The following DHRS4 variants were observed in gnomAD, a reference collection of about 807,000 sequenced individuals.
DHRS4 encodes dehydrogenase/reductase SDR family member 4.
DHRS4 carries 20 observed loss-of-function variants against 28.4 expected under a neutral mutation model. That is an observed-to-expected ratio of 0.71 (90% confidence interval 0.50 to 1.02). DHRS4 has a LOEUF of 1.02. Among genes scored for constraint, DHRS4 ranks in the 50% least tolerant of loss-of-function variants. The pLI, the probability that DHRS4 is intolerant of heterozygous loss-of-function variation, is 0.00. For synonymous variants in DHRS4, 144 were observed against 146.4 expected, an observed-to-expected ratio of 0.98 and a Z score of 0.12; for missense variants, 378 against 367.2, an observed-to-expected ratio of 1.03 and a Z score of -0.24.
chr14:23,954,107 C>A lies in DHRS4; in HGVS notation c.128+191C>A, dbSNP rs1248353868. ...CTAGCCCTGGACCCTCCCTTGCCAGCCCTCCTGTCCCTGCTACCTCTGGCA... is the reference window on the plus strand; with the variant it reads ...CTAGCCCTGGACCCTCCCTTGCCAGACCTCCTGTCCCTGCTACCTCTGGCA... On this transcript the variant is annotated intron_variant, in intron 1 of 7. Coordinates refer to ENST00000313250, the MANE Select transcript of DHRS4 (RefSeq NM_021004.4). The A allele has an allele frequency of 3.2e-5, 26 of 821,836 alleles. No homozygotes were observed. The East Asian group carries it at 6.0e-4, about 19-fold the overall frequency. 50.9% of individuals were successfully genotyped at this position (821,836 alleles called of 1,614,324 possible).
chr14:23,959,508 A>G (rs182667565), intron 2 of DHRS4, among the ~76,000 whole-genome samples: 26 of 152,286 alleles, frequency 1.7e-4, no homozygotes, highest in Middle Eastern at 6.8e-3. Flanking sequence ...CAGTGAGCTG[A>G]GAACATGCCA....
chr14:23,954,888 G>A, intron 1 of DHRS4, 147 bp from the exon 2 acceptor site: 2 of 1,370,256 alleles, frequency 1.5e-6, no homozygotes, highest in South Asian at 1.5e-5. Flanking sequence ...ATGCCATTAA[G>A]CCTGTTTTAC....
intron 3 of DHRS4, among the ~76,000 whole-genome samples, chr14:23,962,669 G>A (rs28800275): frequency 0.37 from 55,800 of 148,804 alleles, 10,003 homozygotes; most frequent in East Asian, 0.55. Context: ...CATCCATGAG[G>A]GTTGGAATCA....
intron 3 of DHRS4, among the ~76,000 whole-genome samples, chr14:23,960,496 A>T (rs538849372): frequency 6.6e-6 from 1 of 152,062 alleles, no homozygotes; most frequent in Non-Finnish European, 1.5e-5. Context: ...TTAAAAAAAT[A>T]AAATAAAAAC....
At chr14:23,954,037 G>GA (rs1179835558) in intron 1 of DHRS4, 121 bp downstream of exon 1, 7 of 1,453,576 alleles carry the variant, frequency 4.8e-6, no homozygotes, top group East Asian at 5.0e-5. Flanking sequence ...TCTGGCCCTG[G>GA]AAAAAAGGTA....
intron 1 of DHRS4, 56 bp from the exon 2 acceptor site, chr14:23,954,979 T>C (rs1358308641): frequency 6.2e-7 from 1 of 1,606,536 alleles, no homozygotes; most frequent in Non-Finnish European, 8.5e-7. Flanking sequence ...GAGCTCATAC[T>C]GTCGACCTCT....
chr14:23,962,500 T>A (rs2033453491), intron 3 of DHRS4, among the ~76,000 whole-genome samples: 1 of 151,752 alleles, frequency 6.6e-6, no homozygotes, highest in African/African-American at 2.4e-5. Context: ...AGAAACCACT[T>A]TCTTTGCTTA....
At chr14:23,966,808 A>G (rs1201750693) in intron 6 of DHRS4, among the ~76,000 whole-genome samples, 6 of 152,394 alleles carry the variant, frequency 3.9e-5, no homozygotes, top group Admixed American at 3.3e-4. Context: ...CCTCTCAGTT[A>G]CCATGAGGAT....
At position 23,966,634 on chromosome 14, in the gene DHRS4, G is replaced by A. The variant is rs866094363; in HGVS notation, c.666+217G>A. 2.0e-5 allele frequency among the ~76,000 whole-genome samples: 3 copies of A among 152,038 alleles called. No individual in the cohort carries two copies. The Middle Eastern group carries it at 0.01, about 517-fold the overall frequency. Reference sequence around the variant, plus strand: ...GGCTGGAGACTGAGGTATTCAGACTGTACTCACACTGTTTCCTCCCTCCTT... The same window carrying A: ...GGCTGGAGACTGAGGTATTCAGACTATACTCACACTGTTTCCTCCCTCCTT... On this transcript the variant is annotated intron_variant, in intron 6 of 7. Transcript: ENST00000313250.
intron 3 of DHRS4, among the ~76,000 whole-genome samples, chr14:23,965,435 C>G (rs562058288): frequency 1.0e-5 from 1 of 97,422 alleles, no homozygotes; most frequent in Non-Finnish European, 1.9e-5. Flanking sequence ...ATTCCAGGCT[C>G]TACCTACTTG....
chr14:23,953,994 G>GCC, intron 1 of DHRS4, 78 bp downstream of exon 1: 1 of 1,533,214 alleles, frequency 6.5e-7, no homozygotes, highest in Non-Finnish European at 8.8e-7. Flanking sequence ...GGCCTCCGGT[G>GCC]CCCCTGTCCT....
intron 2 of DHRS4, 121 bp from the exon 3 acceptor site, chr14:23,959,781 A>C: frequency 8.1e-7 from 1 of 1,233,338 alleles, no homozygotes; most frequent in Non-Finnish European, 1.2e-6. Context: ...GGCCTCCCAA[A>C]GTGCCATGAT....
At chr14:23,964,884 T>C (rs2033560910) in intron 3 of DHRS4, among the ~76,000 whole-genome samples, 1 of 150,298 alleles carries the variant, frequency 6.7e-6, no homozygotes, top group South Asian at 2.1e-4. Context: ...GCCCTGAGTT[T>C]GTTTTTTTTT....
chr14:23,955,951 C>G (rs1219594437), intron 2 of DHRS4, among the ~76,000 whole-genome samples: 3 of 152,136 alleles, frequency 2.0e-5, no homozygotes, highest in Admixed American at 1.3e-4. Flanking sequence ...ACTTTATTTC[C>G]CAGAGTGGAA....
Position 23,955,912 on chromosome 14 carries a change from C to T in DHRS4, c.306+700C>T, listed in dbSNP as rs552744429. Among the ~76,000 whole-genome samples, 3 of 152,364 alleles carry T rather than the reference C, an allele frequency of 2.0e-5. No individual in the cohort carries two copies. In the South Asian group the frequency reaches 6.2e-4, roughly 32 times the overall value. On this transcript the variant is annotated intron_variant, in intron 2 of 7. Coordinates refer to ENST00000313250, the MANE Select transcript of DHRS4 (RefSeq NM_021004.4). ...AAATATGAAGCATTCACAAAGGAAG[C>T]TCCTCTTCCCTTGAGGCTCACGGCA...
chr14:23,967,553 C>T (rs2138482882), intron 7 of DHRS4: 3 of 662,558 alleles, frequency 4.5e-6, no homozygotes, highest in East Asian at 2.9e-5. Flanking sequence ...TCTGAGCATC[C>T]ATGGAGACCA....
chr14:23,969,022 G>C lies in DHRS4; in HGVS notation c.*151G>C, dbSNP rs1008922113. 1 of 1,332,884 alleles carries C rather than the reference G, an allele frequency of 7.5e-7. No individual in the cohort carries two copies. Among genetic ancestry groups the C allele is most frequent in the Non-Finnish European group, 1.0e-6 (1 of 1,002,340 alleles). The allele number at this position is 1,332,884 out of a possible 1,614,324, so 82.6% of individuals were successfully genotyped here. On this transcript the variant is annotated 3_prime_UTR_variant, in exon 8 of 8. Transcript: ENST00000313250. ...GTGAAAAGATCCAGCCTTCCCTGCCGTCAAGGTGGCGTCTTACTCGGGATT... is the reference window on the plus strand; with the variant it reads ...GTGAAAAGATCCAGCCTTCCCTGCCCTCAAGGTGGCGTCTTACTCGGGATT...
At chr14:23,956,375 C>A (rs1435572543) in intron 2 of DHRS4, among the ~76,000 whole-genome samples, 2 of 152,156 alleles carry the variant, frequency 1.3e-5, no homozygotes, top group Admixed American at 6.5e-5. Context: ...GGCCTACAGG[C>A]CTGGCCCAGA....
intron 2 of DHRS4, among the ~76,000 whole-genome samples, chr14:23,955,603 AC>A (rs1448427564): frequency 8.5e-5 from 13 of 152,160 alleles, no homozygotes; most frequent in African/African-American, 3.1e-4. Flanking sequence ...TCAGCCACTT[AC>A]TATGTGCCAT....
Sources: allele counts gnomAD v4.1 joint callset (sites outside exome capture counted in the v4.1 genomes callset), GRCh38; gene constraint gnomAD v4.1.1; transcripts MANE v1.5; gene names NCBI Gene and HGNC (gene_info 2026-07-23, HGNC 2026-07-21).